Variants in RBFOX2 observed in about 807,000 individuals in gnomAD.
The protein encoded by RBFOX2 is RNA binding protein fox-1 homolog 2.
In RBFOX2, 10 loss-of-function variants were observed where a neutral mutation model predicts 49.1. The observed-to-expected ratio is 0.20, with a 90% CI of 0.13 to 0.35. The LOEUF is 0.35. Ranked by LOEUF, RBFOX2 falls within the 10% of genes least tolerant of loss-of-function variation. The pLI is 1.00. For synonymous variants in RBFOX2, 183 were observed against 187.4 expected, an observed-to-expected ratio of 0.98 and a Z score of 0.19; for missense variants, 323 against 486.9, an observed-to-expected ratio of 0.66 and a Z score of 3.17.
intron 1 of RBFOX2, among the ~76,000 whole-genome samples, chr22:35,880,696 T>C (rs2031846890): frequency 6.6e-6 from 1 of 152,244 alleles, no homozygotes; most frequent in Non-Finnish European, 1.5e-5. Context: ...TAATAATACA[T>C]GTATTCCTTG....
intron 2 of RBFOX2, among the ~76,000 whole-genome samples, chr22:35,792,085 G>A (rs544749090): frequency 1.3e-5 from 2 of 152,118 alleles, no homozygotes; most frequent in Admixed American, 1.3e-4. Context: ...AGGAGGCTGA[G>A]GCAGGTGGAT....
chr22:35,939,841 T>C (rs1382822666), upstream of RBFOX2, among the ~76,000 whole-genome samples: 1 of 149,404 alleles, frequency 6.7e-6, no homozygotes, highest in Non-Finnish European at 1.5e-5. Flanking sequence ...AGTCGACTGA[T>C]GGAGTAAAAA....
chr22:35,826,539 A>G (rs1272183133), intron 1 of RBFOX2, among the ~76,000 whole-genome samples: 1 of 152,138 alleles, frequency 6.6e-6, no homozygotes, highest in Non-Finnish European at 1.5e-5. Context: ...TCTTCTTCCT[A>G]AAGATTGCAT....
intron 1 of RBFOX2, among the ~76,000 whole-genome samples, chr22:35,949,934 G>GT (rs1327621000): frequency 6.6e-6 from 1 of 152,044 alleles, no homozygotes; most frequent in Non-Finnish European, 1.5e-5. Flanking sequence ...TAATTTATCT[G>GT]TTTTTTCTTT....
chr22:35,800,656 A>G (rs1299974100), intron 2 of RBFOX2, among the ~76,000 whole-genome samples: 1 of 151,278 alleles, frequency 6.6e-6, no homozygotes, highest in East Asian at 1.9e-4. Context: ...AAGACGCCTC[A>G]GCTTCTCTCT....
At chr22:36,026,493 G>A (rs998621088) in intron 1 of RBFOX2, among the ~76,000 whole-genome samples, 4 of 151,518 alleles carry the variant, frequency 2.6e-5, no homozygotes, top group East Asian at 1.9e-4. Flanking sequence ...GGAAAGGGAC[G>A]GGGGTCTCAC....
At chr22:35,776,097 A>G (rs952488924) in intron 4 of RBFOX2, among the ~76,000 whole-genome samples, 1 of 152,308 alleles carries the variant, frequency 6.6e-6, no homozygotes, top group Non-Finnish European at 1.5e-5. Flanking sequence ...AAACTACTTC[A>G]GATAGTAGTT....
chr22:35,894,292 C>T (rs1256750344), intron 1 of RBFOX2, among the ~76,000 whole-genome samples: 1 of 152,168 alleles, frequency 6.6e-6, no homozygotes, highest in Non-Finnish European at 1.5e-5. Context: ...TTACTTTCCT[C>T]ACACAATTTT....
At chr22:35,785,936 C>T (rs1035551025) in intron 2 of RBFOX2, among the ~76,000 whole-genome samples, 1 of 152,222 alleles carries the variant, frequency 6.6e-6, no homozygotes, top group African/African-American at 2.4e-5. Flanking sequence ...AATGCTCATT[C>T]AAGCACCTTC....
rs1009021083 is a variant in RBFOX2 at position 35,933,953 on chromosome 22, T to TATATATATATAC, written c.-34+4893_-34+4894insGTATATATATAT. The stretch of plus-strand genomic sequence containing the variant: ...ATATATATATATATATATATATATA[T>TATATATATATAC]ACACACATCAATGAAATAAATTAGA... On this transcript the variant is annotated intron_variant, in intron 1 of 13. Coordinates refer to the RBFOX2 transcript ENST00000359369. Among the ~76,000 whole-genome samples the TATATATATATAC allele has an allele frequency of 4.5e-3, 640 of 141,004 alleles. 7 individuals are homozygous for TATATATATATAC. The highest frequency in any genetic ancestry group is 7.4e-3 in the Middle Eastern group (2 of 270). 92.5% of individuals were successfully genotyped at this position (141,004 alleles called of 152,430 possible).
chr22:35,882,837 A>C (rs1356733022), intron 1 of RBFOX2, among the ~76,000 whole-genome samples: 1 of 152,198 alleles, frequency 6.6e-6, no homozygotes, highest in Non-Finnish European at 1.5e-5. Flanking sequence ...AAGCCAAAAG[A>C]AGCAATTTAA....
rs1947101673 is a variant in RBFOX2, at chr22:35,789,317, T to C, written c.253-7571A>G. 4.6e-5 allele frequency among the ~76,000 whole-genome samples: 7 copies of C among 152,132 alleles called. No homozygotes were observed. In the South Asian group the frequency reaches 1.5e-3, roughly 32 times the overall value. ...CAGCACTTTGGGAGGCTGAGGTGGG[T>C]GGATCACCTGAGGTCACGAGTTCAA... On this transcript the variant is annotated intron_variant, in intron 2 of 11. Transcript: ENST00000405409.
At chr22:36,015,639 C>T (rs1248178521) in intron 1 of RBFOX2, among the ~76,000 whole-genome samples, 1 of 152,210 alleles carries the variant, frequency 6.6e-6, no homozygotes, top group Non-Finnish European at 1.5e-5. Context: ...CAGGTGAAAG[C>T]TGTCAAAGCC....
At chr22:35,908,916 C>T (rs766722137) in intron 1 of RBFOX2, among the ~76,000 whole-genome samples, 109 of 150,966 alleles carry the variant, frequency 7.2e-4, no homozygotes, top group Non-Finnish European at 1.5e-3. Context: ...GATCTCAGCT[C>T]ACTGCAACCT....
chr22:36,000,002 T>TAC (rs1569521288), intron 1 of RBFOX2: 2 of 112,212 alleles, frequency 1.8e-5, no homozygotes, highest in African/African-American at 3.0e-5. Context: ...TATATATATA[T>TAC]ATATTTTTTT....
chr22:35,744,247 C>A, exon 12 of RBFOX2: 2 of 1,610,252 alleles, frequency 1.2e-6, no homozygotes, highest in Admixed American at 1.7e-5. Flanking sequence ...GGTATAAACT[C>A]GCCTGCAGTA....
At chr22:35,792,722 C>T (rs973469754) in intron 2 of RBFOX2, among the ~76,000 whole-genome samples, 28 of 152,136 alleles carry the variant, frequency 1.8e-4, no homozygotes, top group African/African-American at 5.6e-4. Context: ...GCTGAACCAG[C>T]GCAACCTGAT....
chr22:35,907,349 G>C (rs2049238293), intron 1 of RBFOX2, among the ~76,000 whole-genome samples: 1 of 152,192 alleles, frequency 6.6e-6, no homozygotes, highest in African/African-American at 2.4e-5. Context: ...GGTAGGGGAG[G>C]GGACACCCCT....
intron 1 of RBFOX2, among the ~76,000 whole-genome samples, chr22:35,917,201 G>A (rs1326807921): frequency 6.6e-6 from 1 of 152,160 alleles, no homozygotes; most frequent in African/African-American, 2.4e-5. Flanking sequence ...CATGTTGGTA[G>A]GGGAAGACAC....
Sources: allele counts gnomAD v4.1 joint callset (sites outside exome capture counted in the v4.1 genomes callset), GRCh38; gene constraint gnomAD v4.1.1; transcripts MANE v1.5; gene names NCBI Gene and HGNC (gene_info 2026-07-23, HGNC 2026-07-21).